ARHGAP15: variants seen among roughly 807,000 people sequenced by gnomAD.
The protein encoded by ARHGAP15 is Rho GTPase activating protein 15, also known as rho GTPase-activating protein 15.
ARHGAP15 carries 51 observed loss-of-function variants against 63.7 expected under a neutral mutation model. That is an observed-to-expected ratio of 0.80 (90% CI 0.64 to 1.01). ARHGAP15 has a LOEUF of 1.01. Ranked by LOEUF, ARHGAP15 falls within the 50% of genes least tolerant of loss-of-function variation. ARHGAP15 has a pLI of 0.00. For missense variants in ARHGAP15, 560 were observed against 564.6 expected, an observed-to-expected ratio of 0.99 and a Z score of 0.08; for synonymous variants, 191 against 193.8, an observed-to-expected ratio of 0.99 and a Z score of 0.12.
intron 12 of ARHGAP15, among the ~76,000 whole-genome samples, chr2:143,677,882 GAA>G (rs1309475345): frequency 6.6e-6 from 1 of 152,116 alleles, no homozygotes; most frequent in East Asian, 1.9e-4. Flanking sequence ...AAAGTCATGT[GAA>G]AAAAGAGAGG....
intron 6 of ARHGAP15, among the ~76,000 whole-genome samples, chr2:143,380,101 G>A (rs949312984): frequency 6.6e-6 from 1 of 152,094 alleles, no homozygotes; most frequent in African/African-American, 2.4e-5. Flanking sequence ...TTGGAGAATT[G>A]AGTAGGCAAC....
At chr2:143,331,324 T>TAA (rs202025733) in intron 6 of ARHGAP15, among the ~76,000 whole-genome samples, 101 of 151,976 alleles carry the variant, frequency 6.6e-4, no homozygotes, top group African/African-American at 2.2e-3. Context: ...CAACTTTTTA[T>TAA]AAAAAAAAGC....
intron 6 of ARHGAP15, among the ~76,000 whole-genome samples, chr2:143,388,658 T>C (rs1222087936): frequency 1.3e-5 from 2 of 152,332 alleles, no homozygotes; most frequent in East Asian, 3.9e-4. Context: ...ACAATGCCTA[T>C]AATGATTCTT....
At chr2:143,401,138 A>C (rs1264124205) in intron 6 of ARHGAP15, among the ~76,000 whole-genome samples, 1 of 152,090 alleles carries the variant, frequency 6.6e-6, no homozygotes, top group Non-Finnish European at 1.5e-5. Flanking sequence ...ACAACTATTT[A>C]CATATCCTAT....
At chr2:143,701,379 C>T (rs1166324518) in intron 12 of ARHGAP15, among the ~76,000 whole-genome samples, 1 of 152,096 alleles carries the variant, frequency 6.6e-6, no homozygotes, top group African/African-American at 2.4e-5. Context: ...TGTATTTGGC[C>T]TTAGTATCAG....
intron 8 of ARHGAP15, among the ~76,000 whole-genome samples, chr2:143,466,905 T>A (rs1249721039): frequency 1.3e-5 from 2 of 152,144 alleles, no homozygotes; most frequent in East Asian, 3.8e-4. Flanking sequence ...TCTCATCACA[T>A]GTTCATTCCA....
intron 12 of ARHGAP15, among the ~76,000 whole-genome samples, chr2:143,672,767 A>G (rs1408645649): frequency 6.6e-6 from 1 of 152,210 alleles, no homozygotes; most frequent in African/African-American, 2.4e-5. Context: ...AGAGATATCC[A>G]AAGACAATGG....
At position 143,716,991 on chromosome 2, in the gene ARHGAP15, C is replaced by T. The variant is rs917373337; in HGVS notation, c.1244+13467C>T. Among the ~76,000 whole-genome samples the T allele has an allele frequency of 2.0e-5, 3 of 152,310 alleles. No individual in the cohort carries two copies. In the South Asian group the frequency reaches 6.2e-4, roughly 32 times the overall value. Reference sequence around the variant, plus strand: ...TCCCTGCCTCTACTACATTTCTTTCCATCTAAAAAGAAAAGTTTCATTTTT... The same window carrying T: ...TCCCTGCCTCTACTACATTTCTTTCTATCTAAAAAGAAAAGTTTCATTTTT... On this transcript the variant is annotated intron_variant, in intron 13 of 13. Transcript: ENST00000295095.
At chr2:143,579,948 TC>T (rs1696827611) in intron 11 of ARHGAP15, among the ~76,000 whole-genome samples, 1 of 146,124 alleles carries the variant, frequency 6.8e-6, no homozygotes, top group African/African-American at 2.5e-5. Context: ...AAAGAACTTT[TC>T]TTCAGCTCTC....
chr2:143,674,527 G>A (rs188609380), intron 12 of ARHGAP15, among the ~76,000 whole-genome samples: 2 of 152,242 alleles, frequency 1.3e-5, no homozygotes. Context: ...AAAATGTCCT[G>A]TAACTCGACT....
chr2:143,311,399 C>A (rs1483789389), intron 6 of ARHGAP15, among the ~76,000 whole-genome samples: 5 of 151,720 alleles, frequency 3.3e-5, no homozygotes, highest in Non-Finnish European at 7.4e-5. Context: ...ATTCAGTTCC[C>A]CAAATTATTC....
At chr2:143,680,848 T>C (rs983198753) in intron 12 of ARHGAP15, among the ~76,000 whole-genome samples, 4 of 152,244 alleles carry the variant, frequency 2.6e-5, no homozygotes, top group Non-Finnish European at 4.4e-5. Context: ...TAAAAATCCA[T>C]GACTTCTCAG....
chr2:143,614,116 C>T (rs1698368504), intron 11 of ARHGAP15, among the ~76,000 whole-genome samples: 2 of 152,132 alleles, frequency 1.3e-5, no homozygotes, highest in African/African-American at 4.8e-5. Context: ...CTCTTCCTCT[C>T]TCCCAGCTCC....
At chr2:143,365,060 G>C (rs2105344666) in intron 6 of ARHGAP15, among the ~76,000 whole-genome samples, 1 of 152,200 alleles carries the variant, frequency 6.6e-6, no homozygotes, top group East Asian at 1.9e-4. Flanking sequence ...CAAGACACAG[G>C]AAAGGAAGGT....
At chr2:143,220,610 A>G (rs1210958994) in intron 4 of ARHGAP15, among the ~76,000 whole-genome samples, 2 of 152,328 alleles carry the variant, frequency 1.3e-5, no homozygotes, top group Middle Eastern at 3.4e-3. Context: ...CATATTGCTT[A>G]CCCAAGGAGT....
At chr2:143,329,926 A>AC (rs1558897476) in intron 6 of ARHGAP15, among the ~76,000 whole-genome samples, 1 of 96,896 alleles carries the variant, frequency 1.0e-5, no homozygotes, top group African/African-American at 5.0e-5. Flanking sequence ...CCCCATCACT[A>AC]CAAAAAAAAA....
rs1686831041 is a variant in ARHGAP15 at position 143,376,820 on chromosome 2, A to C, written c.475-58781A>C. Reference sequence around the variant, plus strand: ...AAACCTGGTCTCAGCTCAGTTTAATATTTTGAGATGTCGAATATTTAATTT... The same window carrying C: ...AAACCTGGTCTCAGCTCAGTTTAATCTTTTGAGATGTCGAATATTTAATTT... On this transcript the variant is annotated intron_variant, in intron 6 of 13. Transcript: ENST00000295095. 2.0e-5 allele frequency among the ~76,000 whole-genome samples: 3 copies of C among 152,090 alleles called. No individual in the cohort carries two copies. The South Asian group carries it at 6.2e-4, about 32-fold the overall frequency.
chr2:143,467,626 C>A (rs151053261), intron 8 of ARHGAP15, among the ~76,000 whole-genome samples: 3 of 151,860 alleles, frequency 2.0e-5, no homozygotes, highest in African/African-American at 7.3e-5. Flanking sequence ...AGAAATTTCC[C>A]GAAGAATATC....
At chr2:143,319,227 C>CA (rs1683879965) in intron 6 of ARHGAP15, among the ~76,000 whole-genome samples, 1 of 148,668 alleles carries the variant, frequency 6.7e-6, no homozygotes, top group African/African-American at 2.5e-5. Context: ...TTGGTTCCCG[C>CA]CTTTTTTTTT....
Sources: gnomAD v4.1 joint callset for allele counts (sites outside exome capture counted in the v4.1 genomes callset) on GRCh38, gnomAD v4.1.1 for gene constraint, MANE v1.5 for transcripts, NCBI Gene and HGNC (gene_info 2026-07-23, HGNC 2026-07-21) for gene names.